The following PCDH7 variants were observed in gnomAD, a reference collection of about 807,000 sequenced individuals.
PCDH7 encodes the protein protocadherin-7.
Under a neutral mutation model 58.9 loss-of-function variants are expected in PCDH7, and 17 were observed. The observed-to-expected ratio is 0.29, with a 90% CI of 0.20 to 0.43. The LOEUF (loss-of-function observed/expected upper bound fraction) is 0.43, where lower values mean the gene tolerates loss of function less well. Ranked by LOEUF, PCDH7 falls within the 20% of genes least tolerant of loss-of-function variation. The pLI is 1.00. For missense variants in PCDH7, 1,274 were observed against 1,441.0 expected, an observed-to-expected ratio of 0.88 and a Z score of 1.88; for synonymous variants, 664 against 616.4, an observed-to-expected ratio of 1.08 and a Z score of -1.14.
chr4:30,990,810 C>G (rs1366610337), intron 3 of PCDH7, among the ~76,000 whole-genome samples: 1 of 152,126 alleles, frequency 6.6e-6, no homozygotes, highest in Non-Finnish European at 1.5e-5. Flanking sequence ...CCTCACAATC[C>G]AAATTACCAT....
At chr4:30,759,711 A>G (rs1719778679) in intron 1 of PCDH7, among the ~76,000 whole-genome samples, 1 of 152,188 alleles carries the variant, frequency 6.6e-6, no homozygotes, top group African/African-American at 2.4e-5. Context: ...ATACATATAT[A>G]ACAAAATCTT....
At chr4:30,891,353 C>T (rs536414058) in intron 1 of PCDH7, among the ~76,000 whole-genome samples, 1 of 151,928 alleles carries the variant, frequency 6.6e-6, no homozygotes, top group Non-Finnish European at 1.5e-5. Context: ...GGAAGAATCT[C>T]GATAGAGATG....
chr4:30,948,552 A>G (rs1351534207), intron 2 of PCDH7, among the ~76,000 whole-genome samples: 1 of 152,178 alleles, frequency 6.6e-6, no homozygotes, highest in African/African-American at 2.4e-5. Flanking sequence ...ATTACATGCA[A>G]TATCAATTAA....
At chr4:31,091,087 C>G (rs1473340475) in intron 3 of PCDH7, among the ~76,000 whole-genome samples, 1 of 151,982 alleles carries the variant, frequency 6.6e-6, no homozygotes, top group Non-Finnish European at 1.5e-5. Flanking sequence ...GACTTTCCTT[C>G]TCCAAAAACT....
rs193067560 is a variant in PCDH7 at position 30,952,046 on chromosome 4, T to C, written c.*7+1831T>C. On this transcript the variant is annotated intron_variant, in intron 3 of 3. Coordinates refer to the PCDH7 transcript ENST00000509759. ...TTCACCCATACTTCTCTCTATTCTG[T>C]TTTTATTCCCTACTTAGCTTGTTGC... Among the ~76,000 whole-genome samples, 527 of 152,312 alleles carry C rather than the reference T, an allele frequency of 3.5e-3. 4 individuals are homozygous for C. The highest frequency in any genetic ancestry group is 0.012 in the African/African-American group (502 of 41,584).
chr4:30,725,104 G>A, intron 1 of PCDH7: 6 of 1,000,386 alleles, frequency 6.0e-6, no homozygotes, highest in Non-Finnish European at 7.2e-6. Context: ...TCATGCAGAT[G>A]TAGTACTAAG....
chr4:30,822,670 T>C (rs1728526369), intron 1 of PCDH7, among the ~76,000 whole-genome samples: 1 of 152,150 alleles, frequency 6.6e-6, no homozygotes, highest in African/African-American at 2.4e-5. Flanking sequence ...TAAACACTGG[T>C]GCTTCTTGTG....
At chr4:30,973,144 GA>G (rs1375498590) in intron 3 of PCDH7, among the ~76,000 whole-genome samples, 1 of 152,128 alleles carries the variant, frequency 6.6e-6, no homozygotes, top group Non-Finnish European at 1.5e-5. Flanking sequence ...GTGTAATAGA[GA>G]CAAAAATCAC....
At chr4:30,885,943 C>T in intron 1 of PCDH7, among the ~76,000 whole-genome samples, 1 of 152,124 alleles carries the variant, frequency 6.6e-6, no homozygotes, top group Admixed American at 6.5e-5. Flanking sequence ...AACTGGATCC[C>T]TTCCTTACAC....
At chr4:31,064,715 C>T (rs1406265443) in intron 3 of PCDH7, among the ~76,000 whole-genome samples, 1 of 151,826 alleles carries the variant, frequency 6.6e-6, no homozygotes, top group East Asian at 1.9e-4. Flanking sequence ...TCATATTGGA[C>T]CCACCATCCT....
chr4:30,814,044 A>AT (rs1251754189), intron 1 of PCDH7, among the ~76,000 whole-genome samples: 1 of 152,098 alleles, frequency 6.6e-6, no homozygotes, highest in African/African-American at 2.4e-5. Context: ...TTGTACTATT[A>AT]TTTTTTATAT....
At chr4:31,136,570 A>T (rs763205650) in intron 3 of PCDH7, among the ~76,000 whole-genome samples, 20 of 152,080 alleles carry the variant, frequency 1.3e-4, no homozygotes, top group Non-Finnish European at 2.5e-4. Flanking sequence ...TAAATTAAAA[A>T]ACTCTTTGGA....
chr4:30,890,134 T>C (rs969839576), intron 1 of PCDH7, among the ~76,000 whole-genome samples: 1 of 152,148 alleles, frequency 6.6e-6, no homozygotes, highest in Non-Finnish European at 1.5e-5. Flanking sequence ...TAAGGAGATA[T>C]TATTAGTAGG....
chr4:31,126,332 T>C (rs1441987565), intron 3 of PCDH7, among the ~76,000 whole-genome samples: 1 of 151,906 alleles, frequency 6.6e-6, no homozygotes, highest in Non-Finnish European at 1.5e-5. Context: ...TTTTTTTATT[T>C]TCTTTTTAGT....
chr4:30,841,659 G>A (rs1208843702), intron 1 of PCDH7, among the ~76,000 whole-genome samples: 2 of 152,046 alleles, frequency 1.3e-5, no homozygotes, highest in African/African-American at 4.8e-5. Context: ...TGGGTTTGGA[G>A]TTACCCCCCT....
intron 3 of PCDH7, among the ~76,000 whole-genome samples, chr4:30,992,424 G>A (rs764270399): frequency 6.6e-5 from 10 of 152,100 alleles, no homozygotes; most frequent in African/African-American, 1.4e-4. Flanking sequence ...ACCTTATACC[G>A]TTAGGGGGAA....
intron 3 of PCDH7, among the ~76,000 whole-genome samples, chr4:31,012,464 G>A (rs749452605): frequency 4.0e-5 from 6 of 150,244 alleles, no homozygotes; most frequent in Non-Finnish European, 1.5e-5. Flanking sequence ...AAGGTTTGAT[G>A]CTTTTAGAGA....
intron 1 of PCDH7, among the ~76,000 whole-genome samples, chr4:30,766,716 T>C (rs1192108617): frequency 6.6e-6 from 1 of 152,040 alleles, no homozygotes; most frequent in Non-Finnish European, 1.5e-5. Context: ...TTTATATTTT[T>C]AAAAAGCAAG....
At chr4:31,050,435 T>G (rs182420605) in intron 3 of PCDH7, among the ~76,000 whole-genome samples, 1 of 152,176 alleles carries the variant, frequency 6.6e-6, no homozygotes, top group East Asian at 1.9e-4. Flanking sequence ...AGAAATAAAA[T>G]AGAATAATGA....
Sources: gnomAD v4.1 joint callset for allele counts (sites outside exome capture counted in the v4.1 genomes callset) on GRCh38, gnomAD v4.1.1 for gene constraint, MANE v1.5 for transcripts, NCBI Gene and HGNC (gene_info 2026-07-23, HGNC 2026-07-21) for gene names.